The following ZMIZ2 variants were observed in gnomAD, a reference collection of about 807,000 sequenced individuals.
ZMIZ2 encodes the protein zinc finger MIZ-type containing 2.
ZMIZ2 carries 26 observed loss-of-function variants against 93.9 expected under a neutral mutation model. The observed-to-expected ratio is 0.28, with a 90% CI of 0.20 to 0.38. The LOEUF (loss-of-function observed/expected upper bound fraction) is 0.38, where lower values mean the gene tolerates loss of function less well. Among genes scored for constraint, ZMIZ2 ranks in the 10% least tolerant of loss-of-function variants. The pLI, the probability that ZMIZ2 is intolerant of heterozygous loss-of-function variation, is 1.00. For missense variants in ZMIZ2, 1,023 were observed against 1,235.0 expected, an observed-to-expected ratio of 0.83 and a Z score of 2.57; for synonymous variants, 485 against 516.4, an observed-to-expected ratio of 0.94 and a Z score of 0.82.
rs1332267336 is a variant in ZMIZ2 at position 44,769,802 on chromosome 7, A to T, written c.*2179A>T. ...CGTGGCCCTGTGCTCCATCACAAAC[A>T]CCTCTCAGAAACAACGTGGGATGAA... On this transcript the variant is annotated 3_prime_UTR_variant, in exon 19 of 19. Coordinates refer to ENST00000309315, the MANE Select transcript of ZMIZ2 (RefSeq NM_031449.4). 6 of 152,202 alleles carry T rather than the reference A, an allele frequency of 3.9e-5. No individual in the cohort carries two copies. The highest frequency in any genetic ancestry group is 1.4e-4 in the African/African-American group (6 of 41,438). 9.4% of individuals were successfully genotyped at this position (152,202 alleles called of 1,614,324 possible).
At chr7:44,759,710 C>T in intron 7 of ZMIZ2, 2 of 455,590 alleles carry the variant, frequency 4.4e-6, no homozygotes, top group Non-Finnish European at 3.9e-6. Flanking sequence ...CTACAAGATT[C>T]ATATATCTCA....
intron 6 of ZMIZ2, 152 bp downstream of exon 6, chr7:44,758,260 C>T (rs1583627737): frequency 1.9e-6 from 2 of 1,056,408 alleles, no homozygotes; most frequent in East Asian, 3.0e-5. Flanking sequence ...AGGGTGGATC[C>T]CTTGAGCTCA....
In ZMIZ2 at chr7:44,763,847, A is replaced by G. The variant is rs1423233750; in HGVS notation, c.1860+434A>G. The G allele has an allele frequency of 5.6e-6, 1 of 178,208 alleles. No individual in the cohort carries two copies. Among genetic ancestry groups the G allele is most frequent in the East Asian group, 1.6e-4 (1 of 6,278 alleles). 11.0% of individuals were successfully genotyped at this position (178,208 alleles called of 1,614,324 possible). The stretch of plus-strand genomic sequence containing the variant: ...GTGCTGTCGTTTTTCTTCTTTTAAC[A>G]CCATGTTCTGAGGCTGGGCGCGGTG... On this transcript the variant is annotated intron_variant, in intron 13 of 18. Transcript: ENST00000309315. The surrounding 1 kb of genome is among the most constrained non-coding windows in gnomAD (Gnocchi z 5.6).
chr7:44,763,317 G>C lies in ZMIZ2; in HGVS notation c.1764G>C (p.Gly588=), dbSNP rs370420692. ...CCCCTGGGCCCAACGGAGAGGACGG[G>C]GTGGAGCAGACAGCTATCAAGGTGT... is the stretch of plus-strand genomic sequence containing the variant. ...PGTPGPNGED[G]VEQTAIKVSL... The change falls in exon 13 of 19, where the codon GGG becomes GGC. Residue 588 remains glycine, a synonymous_variant. Coordinates refer to ENST00000309315, the MANE Select transcript of ZMIZ2 (RefSeq NM_031449.4). The surrounding 1 kb of genome is among the most constrained non-coding windows in gnomAD (Gnocchi z 5.6). 2 of 1,614,012 alleles carry C rather than the reference G, an allele frequency of 1.2e-6. No individual in the cohort carries two copies. The highest frequency in any genetic ancestry group is 1.7e-5 in the Admixed American group (1 of 59,992).
intron 1 of ZMIZ2, among the ~76,000 whole-genome samples, chr7:44,755,691 C>A (rs1777585676): frequency 6.6e-6 from 1 of 152,204 alleles, no homozygotes; most frequent in African/African-American, 2.4e-5. Flanking sequence ...ACCGCCTATG[C>A]CCCTACCTGG....
At chr7:44,758,374 G>A (rs1790803849) in intron 6 of ZMIZ2, among the ~76,000 whole-genome samples, 1 of 151,952 alleles carries the variant, frequency 6.6e-6, no homozygotes, top group African/African-American at 2.4e-5. Flanking sequence ...GGGAGGCAGA[G>A]GTGGGAGGAT....
chr7:44,762,079 G>GCCGTCTGCTGTTTTGCTGTCCA (rs1791251546), intron 11 of ZMIZ2, among the ~76,000 whole-genome samples, 174 bp downstream of exon 11: 1 of 152,212 alleles, frequency 6.6e-6, no homozygotes, highest in Non-Finnish European at 1.5e-5. Flanking sequence ...AGATCATGCC[G>GCCGTCTGCTGTTTTGCTGTCCA]CCGTCTGCTG....
chr7:44,760,220 C>T lies in ZMIZ2; in HGVS notation c.1063C>T (p.Leu355=). The T allele has an allele frequency of 2.5e-6, 4 of 1,612,556 alleles. No individual in the cohort carries two copies. The highest frequency in any genetic ancestry group is 3.4e-6 in the Non-Finnish European group (4 of 1,179,346). ...CAGCGTCAGCTACAGCCAACCTGGC[C>T]TGAGTGGGGTAGGGGGCCTGGCCGG... ...GGSVSYSQPG[L]SGPTRSIPGY... is the part of the protein sequence containing the mutation. Residue 355 remains leucine, a synonymous_variant, in exon 8 of 19, where the codon CTG becomes TTG. Transcript: ENST00000309315.
At chr7:44,756,165 A>C in intron 1 of ZMIZ2, 23 bp from the exon 2 acceptor site, 1 of 1,597,174 alleles carries the variant, frequency 6.3e-7, no homozygotes, top group Non-Finnish European at 8.6e-7. Context: ...CGCAGCTAAC[A>C]TCCCTTCCTT....
At chr7:44,758,288 T>G (rs1790796133) in intron 6 of ZMIZ2, among the ~76,000 whole-genome samples, 180 bp downstream of exon 6, 1 of 152,000 alleles carries the variant, frequency 6.6e-6, no homozygotes, top group African/African-American at 2.4e-5. Context: ...GAGACCAGCC[T>G]GGGCAACATG....
At position 44,764,442 on chromosome 7, in the gene ZMIZ2, G is replaced by A; in HGVS notation, c.1884G>A (p.Leu628=). Residue 628 remains leucine (L), a synonymous_variant, in exon 14 of 19, where the codon CTG becomes CTA. Transcript: ENST00000309315. ...HIQCFDLESY[L]QLNCERGTWR... Reference sequence around the variant, plus strand: ...AGTGCTTTGACCTGGAGTCGTACCTGCAGCTCAACTGTGAGCGGGGGACTT... The same window carrying A: ...AGTGCTTTGACCTGGAGTCGTACCTACAGCTCAACTGTGAGCGGGGGACTT... 1 of 1,614,192 alleles carries A rather than the reference G, an allele frequency of 6.2e-7. No homozygotes were observed. Among genetic ancestry groups the A allele is most frequent in the Non-Finnish European group, 8.5e-7 (1 of 1,180,026 alleles).
At position 44,751,004 on chromosome 7, in the gene ZMIZ2, C is replaced by A. The variant is rs555974366; in HGVS notation, c.-63+2013C>A. Reference sequence around the variant, plus strand: ...GGGTCAAGGATACCAGACCTGGAGACTGGAAGTCTTTTCAGAGAGACTGTC... The same window carrying A: ...GGGTCAAGGATACCAGACCTGGAGAATGGAAGTCTTTTCAGAGAGACTGTC... On this transcript the variant is annotated intron_variant, in intron 1 of 18. Transcript: ENST00000309315. 73 of 152,356 alleles carry A rather than the reference C, an allele frequency of 4.8e-4. 1 individual carries two copies. The highest frequency in any genetic ancestry group is 6.8e-3 in the Middle Eastern group (2 of 296). 9.4% of individuals were successfully genotyped at this position (152,356 alleles called of 1,614,324 possible). A position where few individuals can be genotyped will look rare whatever the true frequency, so the allele number is the denominator to read the frequency against.
In ZMIZ2 at chr7:44,768,586, A is replaced by C. The variant is rs1487545956; in HGVS notation, c.*963A>C. The C allele has an allele frequency of 6.6e-6, 1 of 152,382 alleles. No individual in the cohort carries two copies. The highest frequency in any genetic ancestry group is 1.5e-5 in the Non-Finnish European group (1 of 68,194). 9.4% of individuals were successfully genotyped at this position (152,382 alleles called of 1,614,324 possible). ...CCCACACCCAGGTGGGGGAGGAGGA[A>C]GCCACTGCATCTGTTGGCTCAGGGC... is the stretch of plus-strand genomic sequence containing the variant. On this transcript the variant is annotated 3_prime_UTR_variant, in exon 19 of 19. Coordinates refer to ENST00000309315, the MANE Select transcript of ZMIZ2 (RefSeq NM_031449.4).
intron 9 of ZMIZ2, 69 bp downstream of exon 9, chr7:44,760,662 C>A: frequency 1.3e-6 from 2 of 1,576,220 alleles, no homozygotes; most frequent in Middle Eastern, 1.7e-4. Context: ...TCACAGGACT[C>A]CAGAGAGTCC....
chr7:44,760,650 A>G (rs1480761901), intron 9 of ZMIZ2, 57 bp downstream of exon 9: 8 of 1,599,812 alleles, frequency 5.0e-6, no homozygotes, highest in Non-Finnish European at 6.8e-6. Context: ...GGCATGGGGG[A>G]ATCACAGGAC....
At position 44,766,347 on chromosome 7, in the gene ZMIZ2, C is replaced by T. The variant is rs369632508; in HGVS notation, c.2412+14C>T. On this transcript the variant is annotated intron_variant, in intron 17 of 18. Coordinates refer to ENST00000309315, the MANE Select transcript of ZMIZ2 (RefSeq NM_031449.4). The surrounding 1 kb of genome is among the most constrained non-coding windows in gnomAD (Gnocchi z 4.4). ...CTCCCAAGCCAGGTCAGTGCCAAGC[C>T]GAGAGGCCAAGGGGCCCTGTCTCCC... 92 of 1,602,390 alleles carry T rather than the reference C, an allele frequency of 5.7e-5. No homozygotes were observed. The East Asian group carries it at 6.9e-4, about 12-fold the overall frequency.
chr7:44,763,021 C>A lies in ZMIZ2; in HGVS notation c.1702+35C>A. Reference sequence around the variant, plus strand: ...TCCTGCCCCTCAGCTGCCAGGCAGCCATCCCCATTCTGTGTGGCCCAAGCC... The same window carrying A: ...TCCTGCCCCTCAGCTGCCAGGCAGCAATCCCCATTCTGTGTGGCCCAAGCC... On this transcript the variant is annotated intron_variant, in intron 12 of 18. Transcript: ENST00000309315. This position sits in a 1 kb window ranked among gnomAD's most constrained non-coding sequence, Gnocchi z 5.6. 6.3e-7 allele frequency: 1 copy of A among 1,582,128 alleles called. No homozygotes were observed.
At chr7:44,753,396 C>T (rs961020544) in intron 1 of ZMIZ2, among the ~76,000 whole-genome samples, 1 of 152,088 alleles carries the variant, frequency 6.6e-6, no homozygotes, top group African/African-American at 2.4e-5. Flanking sequence ...AGGTGCATGC[C>T]ACCACGCCCA....
Position 44,756,286 on chromosome 7 carries a change from C to T in ZMIZ2, c.37C>T (p.Pro13Ser). ...SMNPMKPALPPAPHGDGSFAY... is the reference protein window; with the variant it reads ...SMNPMKPALPSAPHGDGSFAY... ...GAACCCCATGAAACCTGCCCTGCCC[C>T]CTGCGCCACACGGGTGAGTGTGGGC... is the stretch of plus-strand genomic sequence containing the variant. The change falls in exon 2 of 19, where the codon CCT (proline) becomes TCT (serine). Residue 13 changes from proline to serine, a missense_variant. Pro to Ser is a moderately conservative substitution (Grantham distance 74, BLOSUM62 -1). Transcript: ENST00000309315. The T allele has an allele frequency of 2.5e-6, 4 of 1,614,062 alleles. No individual in the cohort carries two copies. Among genetic ancestry groups the T allele is most frequent in the Middle Eastern group, 1.6e-4 (1 of 6,062 alleles).
Sources: gnomAD v4.1 joint callset for allele counts (sites outside exome capture counted in the v4.1 genomes callset) on GRCh38, gnomAD v4.1.1 for gene constraint, Gnocchi (gnomAD v3.1) non-coding constraint, MANE v1.5 for transcripts, NCBI Gene and HGNC (gene_info 2026-07-23, HGNC 2026-07-21) for gene names.